The following PRKCE variants were observed in gnomAD, a reference collection of about 807,000 sequenced individuals.
PRKCE encodes the protein protein kinase C epsilon, also known as protein kinase C epsilon type.
PRKCE carries 16 observed loss-of-function variants against 85.4 expected under a neutral mutation model. That is an observed-to-expected ratio of 0.19 (90% CI 0.13 to 0.28). The LOEUF is 0.28. Among genes scored for constraint, PRKCE ranks in the 10% least tolerant of loss-of-function variants. PRKCE has a pLI of 1.00. For synonymous variants in PRKCE, 388 were observed against 371.5 expected (o/e 1.04, Z -0.51); for missense variants, 573 against 975.2 (o/e 0.59, Z 5.49).
chr2:45,839,540 G>T (rs567439508), intron 1 of PRKCE, among the ~76,000 whole-genome samples: 1 of 152,226 alleles, frequency 6.6e-6, no homozygotes, highest in African/African-American at 2.4e-5. Context: ...CTAACCCTGG[G>T]AATGGCTGGG....
At chr2:46,107,414 G>A (rs767925177) in intron 11 of PRKCE, among the ~76,000 whole-genome samples, 5 of 152,104 alleles carry the variant, frequency 3.3e-5, no homozygotes, top group Non-Finnish European at 7.4e-5. Context: ...AGGCCGAGGC[G>A]GGCAGATATT....
At chr2:45,991,252 C>G (rs1455143410) in intron 6 of PRKCE, among the ~76,000 whole-genome samples, 1 of 152,142 alleles carries the variant, frequency 6.6e-6, no homozygotes, top group African/African-American at 2.4e-5. Flanking sequence ...AGTGATCCAC[C>G]TACCTCAGCC....
At chr2:45,773,857 C>A (rs1316685462) in intron 1 of PRKCE, among the ~76,000 whole-genome samples, 1 of 152,170 alleles carries the variant, frequency 6.6e-6, no homozygotes, top group African/African-American at 2.4e-5. Context: ...GGCTCCTGTA[C>A]CTACGGCTGC....
intron 13 of PRKCE, among the ~76,000 whole-genome samples, chr2:46,157,131 T>G (rs1404016024): frequency 1.3e-5 from 2 of 152,306 alleles, no homozygotes; most frequent in East Asian, 3.9e-4. Flanking sequence ...TGCAGAGGAC[T>G]CTCTTGGGTA....
chr2:45,990,656 TTC>T (rs1295508311), intron 6 of PRKCE, among the ~76,000 whole-genome samples: 1 of 151,942 alleles, frequency 6.6e-6, no homozygotes, highest in Non-Finnish European at 1.5e-5. Flanking sequence ...CTAAATTACT[TTC>T]TTTTTTTTTT....
At chr2:45,783,982 A>T (rs557242394) in intron 1 of PRKCE, among the ~76,000 whole-genome samples, 1 of 152,368 alleles carries the variant, frequency 6.6e-6, no homozygotes, top group South Asian at 2.1e-4. Context: ...TCCAACCTGC[A>T]GGGAGATTTC....
chr2:46,080,559 A>T (rs909517250), intron 10 of PRKCE, among the ~76,000 whole-genome samples: 1 of 152,184 alleles, frequency 6.6e-6, no homozygotes, highest in African/African-American at 2.4e-5. Flanking sequence ...ACGCAGACAT[A>T]ATAGGAACCC....
chr2:45,753,988 AG>A (rs1383646794), intron 1 of PRKCE, among the ~76,000 whole-genome samples: 2 of 152,210 alleles, frequency 1.3e-5, no homozygotes, highest in Admixed American at 6.5e-5. Flanking sequence ...TTGCTCAAAA[AG>A]GTCTTTGCAG....
intron 1 of PRKCE, among the ~76,000 whole-genome samples, chr2:45,723,188 C>CCG (rs1680764270): frequency 6.6e-6 from 1 of 151,702 alleles, no homozygotes; most frequent in Non-Finnish European, 1.5e-5. Flanking sequence ...CCACTTCTGC[C>CCG]CTCCTGGGAC....
At chr2:46,108,522 AT>A (rs1171085767) in intron 11 of PRKCE, among the ~76,000 whole-genome samples, 1 of 152,152 alleles carries the variant, frequency 6.6e-6, no homozygotes, top group African/African-American at 2.4e-5. Context: ...GTCAAGGGGA[AT>A]GGGTGATAGG....
chr2:45,859,429 C>T (rs560026619), intron 2 of PRKCE, among the ~76,000 whole-genome samples: 2 of 152,062 alleles, frequency 1.3e-5, no homozygotes, highest in Non-Finnish European at 2.9e-5. Context: ...CAGTTGATGC[C>T]GCCACCAGAC....
chr2:45,752,231 C>T (rs143000328), intron 1 of PRKCE, among the ~76,000 whole-genome samples: 2 of 152,214 alleles, frequency 1.3e-5, no homozygotes, highest in African/African-American at 4.8e-5. Flanking sequence ...AATTTTATTC[C>T]TGCTATGAAG....
At chr2:46,108,317 T>A (rs7562157) in intron 11 of PRKCE, among the ~76,000 whole-genome samples, 64,065 of 152,102 alleles carry the variant, frequency 0.42, 14,654 homozygotes, top group East Asian at 0.53. Context: ...CTTTTTATTA[T>A]GTTAATAGTG....
At chr2:45,927,056 A>T (rs980895624) in intron 2 of PRKCE, among the ~76,000 whole-genome samples, 6 of 152,232 alleles carry the variant, frequency 3.9e-5, no homozygotes, top group Non-Finnish European at 7.4e-5. Flanking sequence ...GATGGTGAGA[A>T]TTATAGAATG....
intron 13 of PRKCE, among the ~76,000 whole-genome samples, chr2:46,152,828 T>C (rs1284805234): frequency 6.6e-6 from 1 of 152,226 alleles, no homozygotes; most frequent in African/African-American, 2.4e-5. Flanking sequence ...ATTACAGGTG[T>C]GAGCCACTAC....
intron 2 of PRKCE, among the ~76,000 whole-genome samples, chr2:45,936,054 GCT>G (rs1327108024): frequency 6.6e-6 from 1 of 152,180 alleles, no homozygotes; most frequent in Admixed American, 6.5e-5. Context: ...CTGTCAAGAG[GCT>G]CTGTTAGGAG....
At chr2:45,815,455 A>G (rs745719044) in intron 1 of PRKCE, among the ~76,000 whole-genome samples, 2 of 151,936 alleles carry the variant, frequency 1.3e-5, no homozygotes, top group African/African-American at 2.4e-5. Context: ...ACATTCCCCT[A>G]TTCTTAGTTT....
chr2:45,979,131 T>C, intron 4 of PRKCE, 121 bp downstream of exon 4: 1 of 942,226 alleles, frequency 1.1e-6, no homozygotes, highest in Non-Finnish European at 1.6e-6. Flanking sequence ...CTTGCATGCT[T>C]TCTTTGTTCC....
chr2:46,151,614 G>A (rs1258239572), intron 13 of PRKCE, among the ~76,000 whole-genome samples: 2 of 151,566 alleles, frequency 1.3e-5, no homozygotes, highest in African/African-American at 2.4e-5. Flanking sequence ...TTCCTTACCT[G>A]TGGCCTGTCT....
Sources: gnomAD v4.1 joint callset for allele counts (sites outside exome capture counted in the v4.1 genomes callset) on GRCh38, gnomAD v4.1.1 for gene constraint, MANE v1.5 for transcripts, NCBI Gene and HGNC (gene_info 2026-07-23, HGNC 2026-07-21) for gene names.